GRID2: variants seen among roughly 807,000 people sequenced by gnomAD.
GRID2 encodes glutamate ionotropic receptor delta type subunit 2, also known as glutamate receptor ionotropic, delta-2.
Under a neutral mutation model 114.8 loss-of-function variants are expected in GRID2, and 33 were observed. The ratio of observed to expected loss-of-function variants is 0.29; its 90% CI spans 0.22 to 0.38. GRID2 has a LOEUF of 0.38. Among genes scored for constraint, GRID2 ranks in the 10% least tolerant of loss-of-function variants. GRID2 has a pLI of 1.00. For missense variants in GRID2, 1,184 were observed against 1,257.7 expected (o/e 0.94, Z 0.89); for synonymous variants, 505 against 449.9 (o/e 1.12, Z -1.55).
intron 2 of GRID2, among the ~76,000 whole-genome samples, chr4:92,759,059 T>C (rs1470298076): frequency 6.6e-6 from 1 of 152,132 alleles, no homozygotes; most frequent in Non-Finnish European, 1.5e-5. Context: ...TGTCCACAAA[T>C]AAAAGTAAAC....
chr4:93,399,076 T>G (rs1232259278), intron 9 of GRID2, among the ~76,000 whole-genome samples: 3 of 151,858 alleles, frequency 2.0e-5, no homozygotes, highest in African/African-American at 2.4e-5. Context: ...ACCCTGAAAC[T>G]AGGATTTAAT....
intron 14 of GRID2, among the ~76,000 whole-genome samples, chr4:93,626,747 G>A (rs1742772122): frequency 1.3e-5 from 2 of 152,176 alleles, no homozygotes; most frequent in African/African-American, 4.8e-5. Flanking sequence ...TAGTAGTCTA[G>A]TCTGAATTTT....
intron 4 of GRID2, among the ~76,000 whole-genome samples, chr4:93,155,341 C>T (rs1044557576): frequency 4.0e-5 from 6 of 151,870 alleles, no homozygotes; most frequent in African/African-American, 1.4e-4. Context: ...CACAGAAGGC[C>T]TTTTCTCCTC....
At chr4:92,679,175 A>G (rs1053285718) in intron 2 of GRID2, among the ~76,000 whole-genome samples, 1 of 152,068 alleles carries the variant, frequency 6.6e-6, no homozygotes, top group Non-Finnish European at 1.5e-5. Flanking sequence ...AAGCCTTGAA[A>G]ATTAAAATCG....
intron 4 of GRID2, among the ~76,000 whole-genome samples, chr4:93,140,450 G>A (rs1735672889): frequency 6.6e-6 from 1 of 152,082 alleles, no homozygotes; most frequent in African/African-American, 2.4e-5. Context: ...GAGCCACCGC[G>A]CCCGGCTGGA....
intron 2 of GRID2, among the ~76,000 whole-genome samples, chr4:92,881,212 C>G (rs1273302845): frequency 6.6e-6 from 1 of 152,064 alleles, no homozygotes; most frequent in African/African-American, 2.4e-5. Flanking sequence ...CTCTTTTTTT[C>G]TTTAACAATA....
At chr4:93,763,426 C>CA (rs1053642788) in intron 14 of GRID2, among the ~76,000 whole-genome samples, 34 of 152,304 alleles carry the variant, frequency 2.2e-4, no homozygotes, top group African/African-American at 7.9e-4. Flanking sequence ...ATTTTCTCTG[C>CA]ATACCCAAAT....
intron 13 of GRID2, among the ~76,000 whole-genome samples, chr4:93,544,778 G>GGA (rs1560735774): frequency 8.5e-6 from 1 of 117,352 alleles, no homozygotes. Context: ...ACTCCCTCTG[G>GGA]AAAAAAAAAA....
rs70942952 is a variant in GRID2 at position 93,139,735 on chromosome 4, AACAC to A, written c.735+28808_735+28811del. Among the ~76,000 whole-genome samples the A allele has an allele frequency of 1.1e-3, 169 of 147,948 alleles. 1 individual carries two copies. Among genetic ancestry groups the A allele is most frequent in the Middle Eastern group, 3.6e-3 (1 of 276 alleles). On this transcript the variant is annotated intron_variant, in intron 4 of 15. Transcript: ENST00000282020. The stretch of plus-strand genomic sequence containing the variant: ...CTGAGGCCCTAGACTGTACTTTTGA[AACAC>A]ACACACACACACACACACACACACA...
chr4:92,406,857 T>G (rs1277138995), intron 1 of GRID2, among the ~76,000 whole-genome samples: 2 of 152,006 alleles, frequency 1.3e-5, no homozygotes, highest in Non-Finnish European at 2.9e-5. Flanking sequence ...CTCAGCTACA[T>G]CCATGTTGCT....
At chr4:93,145,715 C>T (rs1230102279) in intron 4 of GRID2, among the ~76,000 whole-genome samples, 1 of 119,610 alleles carries the variant, frequency 8.4e-6, no homozygotes, top group African/African-American at 3.2e-5. Context: ...AGGCTTGTCT[C>T]GAACTCCTGA....
At chr4:92,800,079 T>C (rs984311456) in intron 2 of GRID2, among the ~76,000 whole-genome samples, 13 of 151,998 alleles carry the variant, frequency 8.6e-5, no homozygotes, top group African/African-American at 3.1e-4. Context: ...TTATTTGCTC[T>C]TCAAACAAGA....
chr4:92,596,761 A>G (rs1728974058), intron 2 of GRID2, among the ~76,000 whole-genome samples: 2 of 152,010 alleles, frequency 1.3e-5, no homozygotes, highest in Admixed American at 1.3e-4. Context: ...GCAATTAAAA[A>G]TATATATATT....
intron 2 of GRID2, among the ~76,000 whole-genome samples, chr4:93,050,800 C>G (rs1392427258): frequency 3.3e-5 from 5 of 152,024 alleles, no homozygotes; most frequent in African/African-American, 1.2e-4. Flanking sequence ...ATATTGAAAG[C>G]CTTCCACTGC....
At chr4:93,306,191 A>T (rs1755402348) in intron 8 of GRID2, 1 of 152,240 alleles carries the variant, frequency 6.6e-6, no homozygotes, top group African/African-American at 2.4e-5. Flanking sequence ...AGCCAGAGAT[A>T]ACAAGGAGTT....
At chr4:92,569,219 G>A (rs1421113844) in intron 1 of GRID2, among the ~76,000 whole-genome samples, 4 of 151,620 alleles carry the variant, frequency 2.6e-5, no homozygotes, top group African/African-American at 9.7e-5. Context: ...GAGAAAAGGT[G>A]GCACTTGGTT....
intron 2 of GRID2, among the ~76,000 whole-genome samples, chr4:92,848,499 C>T (rs756435828): frequency 1.4e-4 from 21 of 152,008 alleles, no homozygotes; most frequent in East Asian, 7.7e-4. Flanking sequence ...AAGCAACAAA[C>T]GATCATCATG....
intron 9 of GRID2, among the ~76,000 whole-genome samples, chr4:93,399,887 A>G (rs1324488094): frequency 6.6e-6 from 1 of 152,140 alleles, no homozygotes; most frequent in Non-Finnish European, 1.5e-5. Context: ...CAGTGAATCC[A>G]GAAGAAAAGT....
In GRID2 at chr4:92,655,763, G is replaced by C. The variant is rs187778527; in HGVS notation, c.244+65477G>C. 1.3e-3 allele frequency among the ~76,000 whole-genome samples: 192 copies of C among 151,640 alleles called. 1 individual carries two copies. Among genetic ancestry groups the C allele is most frequent in the Admixed American group, 0.012 (181 of 15,154 alleles). ...CAAATGTATCAGTTCTAAGTCTTCA[G>C]ATTTTCCCCATATAAGATCATGTCA... On this transcript the variant is annotated intron_variant, in intron 2 of 15. Transcript: ENST00000282020.
Sources: gnomAD v4.1 joint callset for allele counts (sites outside exome capture counted in the v4.1 genomes callset) on GRCh38, gnomAD v4.1.1 for gene constraint, MANE v1.5 for transcripts, NCBI Gene and HGNC (gene_info 2026-07-23, HGNC 2026-07-21) for gene names.